RPS6KL1: variants seen among roughly 807,000 people sequenced by gnomAD.
RPS6KL1 encodes the protein ribosomal protein S6 kinase like 1, also known as ribosomal protein S6 kinase-like 1.
A neutral mutation model predicts 57.0 loss-of-function variants in RPS6KL1; 41 were observed. The ratio of observed to expected loss-of-function variants is 0.72; its 90% CI spans 0.56 to 0.93. The LOEUF (loss-of-function observed/expected upper bound fraction) is 0.93, where lower values mean the gene tolerates loss of function less well. Among genes scored for constraint, RPS6KL1 ranks in the 40% least tolerant of loss-of-function variants. The pLI is 0.00. For synonymous variants in RPS6KL1, 287 were observed against 309.7 expected, an observed-to-expected ratio of 0.93 and a Z score of 0.77; for missense variants, 697 against 727.7, an observed-to-expected ratio of 0.96 and a Z score of 0.49.
chr14:74,909,439 G>GTCCCCTC, intron 8 of RPS6KL1, 104 bp downstream of exon 8: 1 of 1,429,156 alleles, frequency 7.0e-7, no homozygotes, highest in Non-Finnish European at 9.4e-7. Flanking sequence ...CTGGGGCCAG[G>GTCCCCTC]GAGGAGCAGA....
In RPS6KL1 at chr14:74,906,322, C is replaced by A; in HGVS notation, c.*692G>T. The A allele has an allele frequency of 2.9e-6, 1 of 347,502 alleles. No individual in the cohort carries two copies. The highest frequency in any genetic ancestry group is 2.1e-5 in the South Asian group (1 of 47,326). The allele number at this position is 347,502 out of a possible 1,614,324, so 21.5% of individuals were successfully genotyped here. ...GGGGCAGACCCATGCATTCCTTCCTCCCCCCATTACTCTTATTTTCTTCCC... is the reference window on the plus strand; with the variant it reads ...GGGGCAGACCCATGCATTCCTTCCTACCCCCATTACTCTTATTTTCTTCCC... On this transcript the variant is annotated 3_prime_UTR_variant, in exon 12 of 12. Transcript: ENST00000557413.
chr14:74,910,673 C>T (rs1030131641), intron 7 of RPS6KL1: 16 of 157,068 alleles, frequency 1.0e-4, no homozygotes, highest in Admixed American at 3.6e-4. Flanking sequence ...AAAGAGCCAA[C>T]GCTGGAGGAA....
At chr14:74,921,238 T>TCCCCCCCCCCCCCCAC in intron 3 of RPS6KL1, 39 bp downstream of exon 3, 1 of 840,184 alleles carries the variant, frequency 1.2e-6, no homozygotes, top group Admixed American at 1.8e-5. Flanking sequence ...CACTGGCCCT[T>TCCCCCCCCCCCCCCAC]CCCCACCCAC....
rs777644776 is a variant in RPS6KL1, at chr14:74,911,232, C to A, written c.664+16G>T. 2 of 1,609,442 alleles carry A rather than the reference C, an allele frequency of 1.2e-6. No homozygotes were observed. Among genetic ancestry groups the A allele is most frequent in the Non-Finnish European group, 1.7e-6 (2 of 1,179,656 alleles). On this transcript the variant is annotated intron_variant, in intron 7 of 11. Transcript: ENST00000557413. ...AAAGGCCTGGGGAGCTGACAGGGGG[C>A]CCCAGGCCTGCTCACCTTGCACATG... is the stretch of plus-strand genomic sequence containing the variant.
intron 3 of RPS6KL1, 57 bp downstream of exon 3, chr14:74,921,220 G>A: frequency 6.9e-7 from 1 of 1,448,108 alleles, no homozygotes; most frequent in South Asian, 1.2e-5. Context: ...GTGACAGGAA[G>A]AGCCCTGCAC....
Position 74,909,134 on chromosome 14 carries a change from CG to C in RPS6KL1, c.1326del (p.Cys442TrpfsTer20), listed in dbSNP as rs1566813552. On this transcript the variant is annotated frameshift_variant, in exon 9 of 12. Transcript: ENST00000557413. LOFTEE classifies it high-confidence loss of function. ...CTGTAGAGATTGTCCACGGCCTCCCCGCAGCACTGGGGCTCCACCTCTGACC... is the reference window on the plus strand; with the variant it reads ...CTGTAGAGATTGTCCACGGCCTCCCCCAGCACTGGGGCTCCACCTCTGACC... The part of the protein sequence containing the change: ...GQWSEVEPQC[C>X]GEAVDNLYSA... 2 of 1,614,210 alleles carry C rather than the reference CG, an allele frequency of 1.2e-6. No homozygotes were observed. The highest frequency in any genetic ancestry group is 1.7e-6 in the Non-Finnish European group (2 of 1,180,036).
At chr14:74,921,827 G>T in intron 2 of RPS6KL1, 151 bp downstream of exon 2, 1 of 961,140 alleles carries the variant, frequency 1.0e-6, no homozygotes, top group Non-Finnish European at 1.4e-6. Context: ...ACCCAGGCTG[G>T]ATTGCAGTGG....
Position 74,911,237 on chromosome 14 carries a change from G to A in RPS6KL1, c.664+11C>T. The A allele has an allele frequency of 6.2e-7, 1 of 1,610,568 alleles. No individual in the cohort carries two copies. The highest frequency in any genetic ancestry group is 8.5e-7 in the Non-Finnish European group (1 of 1,179,906). ...CCTGGGGAGCTGACAGGGGGCCCCA[G>A]GCCTGCTCACCTTGCACATGCTCCA... On this transcript the variant is annotated intron_variant, in intron 7 of 11. Coordinates refer to ENST00000557413, the MANE Select transcript of RPS6KL1 (RefSeq NM_031464.5).
At chr14:74,921,256 C>T in intron 3 of RPS6KL1, 21 bp downstream of exon 3, 2 of 1,464,584 alleles carry the variant, frequency 1.4e-6, no homozygotes, top group Non-Finnish European at 1.9e-6. Flanking sequence ...CACCCCAGCC[C>T]TGCCCAGCCC....
intron 7 of RPS6KL1, chr14:74,910,432 C>A: frequency 3.1e-6 from 1 of 322,854 alleles, no homozygotes. Context: ...GTGGTGGGTT[C>A]ACTAGTGTGA....
chr14:74,915,559 G>T (rs1044364271), intron 5 of RPS6KL1, among the ~76,000 whole-genome samples: 2 of 152,146 alleles, frequency 1.3e-5, no homozygotes, highest in East Asian at 3.8e-4. Flanking sequence ...CAAGCCTAAA[G>T]GTTTCAAACA....
In RPS6KL1 at chr14:74,909,674, G is replaced by A. The variant is rs1389280206; in HGVS notation, c.1139C>T (p.Ala380Val). The change falls in exon 8 of 12, where the codon GCC becomes GTC. Residue 380 changes from alanine (A) to valine (V), a missense_variant. Coordinates refer to ENST00000557413, the MANE Select transcript of RPS6KL1 (RefSeq NM_031464.5). The stretch of plus-strand genomic sequence containing the variant: ...CTGCTCCTCTCTCACACTCCAGGTG[G>A]CCCTGCCACAGCCCCGGCCGGCCCC... ...ADGAGRGCGR[A>V]TWSVREEQVK... 3 of 1,609,706 alleles carry A rather than the reference G, an allele frequency of 1.9e-6. No individual in the cohort carries two copies. Among genetic ancestry groups the A allele is most frequent in the Non-Finnish European group, 2.5e-6 (3 of 1,179,882 alleles).
intron 3 of RPS6KL1, 56 bp downstream of exon 3, chr14:74,921,221 A>T: frequency 6.9e-7 from 1 of 1,439,328 alleles, no homozygotes; most frequent in Non-Finnish European, 9.7e-7. Flanking sequence ...TGACAGGAAG[A>T]GCCCTGCACT....
chr14:74,923,000 G>C (rs1002659463), intron 1 of RPS6KL1, among the ~76,000 whole-genome samples, 180 bp downstream of exon 1: 1 of 152,172 alleles, frequency 6.6e-6, no homozygotes, highest in African/African-American at 2.4e-5. Context: ...ACTGGCTTCA[G>C]GGTCCACCCC....
Position 74,904,382 on chromosome 14 carries a change from CAG to C in RPS6KL1, c.*2630_*2631del, listed in dbSNP as rs1248630818. 6.6e-6 allele frequency: 1 copy of C among 152,128 alleles called. No individual in the cohort carries two copies. The highest frequency in any genetic ancestry group is 1.5e-5 in the Non-Finnish European group (1 of 68,034). 9.4% of individuals were successfully genotyped at this position (152,128 alleles called of 1,614,324 possible). Reference sequence around the variant, plus strand: ...ATCAGACTTAAGGAGCCTGTTTTAACAGTAATTCCAAAAGGGAGGGGAGTATA... The same window carrying C: ...ATCAGACTTAAGGAGCCTGTTTTAACTAATTCCAAAAGGGAGGGGAGTATA... On this transcript the variant is annotated 3_prime_UTR_variant, in exon 12 of 12. Coordinates refer to ENST00000557413, the MANE Select transcript of RPS6KL1 (RefSeq NM_031464.5).
In RPS6KL1 at chr14:74,910,017, G is replaced by A. The variant is rs373486642; in HGVS notation, c.796C>T (p.Pro266Ser). The A allele has an allele frequency of 4.4e-5, 71 of 1,613,798 alleles. No homozygotes were observed. Among genetic ancestry groups the A allele is most frequent in the Admixed American group, 2.0e-4 (12 of 59,994 alleles). ...TCCTGGCCAGGGGCATGGCCTGAGG[G>A]AAGCCTCGCTGGGGTCAGGAGGTTG... ...HLNLLTPARL[P>S]SGHAPGQDRI... Residue 266 changes from proline to serine, a missense_variant, in exon 8 of 12, where the codon CCC becomes TCC. Coordinates refer to ENST00000557413, the MANE Select transcript of RPS6KL1 (RefSeq NM_031464.5).
intron 10 of RPS6KL1, 46 bp downstream of exon 10, chr14:74,908,804 A>T (rs754329773): frequency 1.3e-6 from 2 of 1,546,400 alleles, no homozygotes; most frequent in African/African-American, 2.7e-5. Flanking sequence ...CCCATCCCAC[A>T]CTCAGTGGCA....
Position 74,909,803 on chromosome 14 carries a change from G to A in RPS6KL1, c.1010C>T (p.Ser337Leu), listed in dbSNP as rs1885608206. ...HLQARRAGQN[S>L]DAGPPRGLTW... ...GAGCCCCCGAGGGGGCCCAGCGTCT[G>A]AGTTCTGGCCAGCCCTCCTAGCTTG... The change falls in exon 8 of 12, where the codon TCA (serine) becomes TTA (leucine). Residue 337 changes from serine to leucine, a missense_variant. Transcript: ENST00000557413. 1 of 1,607,102 alleles carries A rather than the reference G, an allele frequency of 6.2e-7. No individual in the cohort carries two copies. Among genetic ancestry groups the A allele is most frequent in the Non-Finnish European group, 8.5e-7 (1 of 1,176,524 alleles).
intron 5 of RPS6KL1, among the ~76,000 whole-genome samples, chr14:74,918,076 G>A (rs190035384): frequency 5.3e-4 from 77 of 146,602 alleles, no homozygotes; most frequent in African/African-American, 1.7e-3. Context: ...GAAAGGGCCT[G>A]TCTGCCTCTT....
Sources: allele counts gnomAD v4.1 joint callset (sites outside exome capture counted in the v4.1 genomes callset), GRCh38; gene constraint gnomAD v4.1.1; transcripts MANE v1.5; gene names NCBI Gene and HGNC (gene_info 2026-07-23, HGNC 2026-07-21).